KHDRBS2: variants seen among roughly 807,000 people sequenced by gnomAD.
The protein encoded by KHDRBS2 is KH domain-containing, RNA-binding, signal transduction-associated protein 2.
In KHDRBS2, 26 loss-of-function variants were observed where a neutral mutation model predicts 44.3. That is an observed-to-expected ratio of 0.59 (90% CI 0.43 to 0.81). The LOEUF (loss-of-function observed/expected upper bound fraction) is 0.81, where lower values mean the gene tolerates loss of function less well. Among genes scored for constraint, KHDRBS2 ranks in the 40% least tolerant of loss-of-function variants. The pLI is 0.00. For synonymous variants in KHDRBS2, 194 were observed against 151.1 expected, an observed-to-expected ratio of 1.28 and a Z score of -2.08; for missense variants, 476 against 433.1, an observed-to-expected ratio of 1.10 and a Z score of -0.88.
chr6:61,868,016 T>G (rs1798034826), intron 6 of KHDRBS2, among the ~76,000 whole-genome samples: 1 of 152,124 alleles, frequency 6.6e-6, no homozygotes, highest in Admixed American at 6.5e-5. Context: ...TCAGCCCTGA[T>G]CAGCTTGGAC....
At chr6:61,619,834 A>C in the KHDRBS2 span, among the ~76,000 whole-genome samples, 1 of 152,110 alleles carries the variant, frequency 6.6e-6, no homozygotes, top group Non-Finnish European at 1.5e-5. Context: ...ATCGGTACTT[A>C]GATTGTTCTC....
intron 6 of KHDRBS2, among the ~76,000 whole-genome samples, chr6:61,868,687 G>A (rs1798139902): frequency 6.6e-6 from 1 of 152,112 alleles, no homozygotes; most frequent in African/African-American, 2.4e-5. Context: ...CCTGCAGCCT[G>A]TTTGGCTGAA....
At chr6:62,070,611 C>CA (rs1304695578) in intron 2 of KHDRBS2, among the ~76,000 whole-genome samples, 1 of 151,768 alleles carries the variant, frequency 6.6e-6, no homozygotes, top group Non-Finnish European at 1.5e-5. Context: ...GTCCTTGCGA[C>CA]AGTTTGCTGA....
intron 6 of KHDRBS2, among the ~76,000 whole-genome samples, chr6:61,791,694 C>T (rs1199989300): frequency 6.6e-6 from 1 of 151,416 alleles, no homozygotes; most frequent in Non-Finnish European, 1.5e-5. Flanking sequence ...ATCATTACAA[C>T]TTATAGGTGT....
chr6:61,692,991 C>G (rs979949315), intron 8 of KHDRBS2, among the ~76,000 whole-genome samples: 2 of 151,926 alleles, frequency 1.3e-5, no homozygotes, highest in Admixed American at 6.6e-5. Flanking sequence ...GTCTACGATA[C>G]GACCACAATG....
chr6:61,854,728 A>C (rs1352503555), intron 6 of KHDRBS2, among the ~76,000 whole-genome samples: 3 of 152,216 alleles, frequency 2.0e-5, no homozygotes, highest in Non-Finnish European at 4.4e-5. Flanking sequence ...AAGATGAAAC[A>C]GAATAAAGTG....
intron 4 of KHDRBS2, among the ~76,000 whole-genome samples, chr6:61,921,808 A>G (rs755146464): frequency 3.3e-5 from 5 of 151,948 alleles, no homozygotes; most frequent in Non-Finnish European, 5.9e-5. Flanking sequence ...TGGTTCCTTT[A>G]TATCCTGAGA....
Position 62,177,302 on chromosome 6 carries a change from CTT to C in KHDRBS2, c.100_101del (p.Lys34ValfsTer5), listed in dbSNP as rs1651313221. On this transcript the variant is annotated frameshift_variant, in exon 2 of 9. Transcript: ENST00000281156. LOFTEE classifies it high-confidence loss of function. Reference protein sequence around the residue: ...ASRLLAEEIEKFQGSDGKKED... With the variant: ...ASRLLAEEIEXFQGSDGKKED... ...CCTTTTTTCCATCAGAACCTTGAAA[CTT>C]TTCAATTTCTGGAAGAAAATCACAA... 6.3e-7 allele frequency: 1 copy of C among 1,592,612 alleles called. No homozygotes were observed. The highest frequency in any genetic ancestry group is 8.6e-7 in the Non-Finnish European group (1 of 1,166,788).
At chr6:61,916,965 AT>A (rs10700035) in intron 4 of KHDRBS2, among the ~76,000 whole-genome samples, 137 of 90,634 alleles carry the variant, frequency 1.5e-3, no homozygotes, top group African/African-American at 4.3e-3. Context: ...GGAACTCTGT[AT>A]TTTTTTTTTT....
chr6:62,286,187 T>A lies in KHDRBS2; in HGVS notation c.-239A>T. 1.9e-6 allele frequency: 1 copy of A among 530,490 alleles called. No individual in the cohort carries two copies. Among genetic ancestry groups the A allele is most frequent in the Non-Finnish European group, 3.3e-6 (1 of 303,602 alleles). The allele number at this position is 530,490 out of a possible 1,614,324, so 32.9% of individuals were successfully genotyped here. ...TCCCTCGCTCGCGCAGAGCCCCGGC[T>A]CACACCAGCGGCCTTAACTGGAGAG... On this transcript the variant is annotated 5_prime_UTR_variant, in exon 1 of 9. Coordinates refer to ENST00000281156, the MANE Select transcript of KHDRBS2 (RefSeq NM_152688.4).
At chr6:62,100,714 A>G (rs1057087702) in intron 2 of KHDRBS2, among the ~76,000 whole-genome samples, 1 of 152,222 alleles carries the variant, frequency 6.6e-6, no homozygotes, top group Non-Finnish European at 1.5e-5. Context: ...TAACATATGT[A>G]CATTTTTTAG....
At chr6:62,009,345 C>G (rs2127267562) in intron 3 of KHDRBS2, among the ~76,000 whole-genome samples, 1 of 152,214 alleles carries the variant, frequency 6.6e-6, no homozygotes, top group African/African-American at 2.4e-5. Context: ...GCAAAGCATT[C>G]AAGAGGTGAG....
intron 6 of KHDRBS2, among the ~76,000 whole-genome samples, chr6:61,754,916 A>G (rs771083114): frequency 1.3e-5 from 2 of 152,214 alleles, no homozygotes; most frequent in Non-Finnish European, 2.9e-5. Context: ...CACTTTCAAC[A>G]TCAGGTATTT....
intron 1 of KHDRBS2, among the ~76,000 whole-genome samples, chr6:62,275,708 C>T (rs1840824573): frequency 6.6e-6 from 1 of 152,126 alleles, no homozygotes; most frequent in African/African-American, 2.4e-5. Context: ...TTCCCTTAAA[C>T]AAGTTATGTT....
intron 3 of KHDRBS2, among the ~76,000 whole-genome samples, chr6:61,980,993 C>G (rs1773722091): frequency 1.3e-5 from 2 of 152,174 alleles, no homozygotes; most frequent in African/African-American, 2.4e-5. Flanking sequence ...TGTTTACCCA[C>G]TGGGCATGCC....
chr6:61,576,330 A>G, the KHDRBS2 span, among the ~76,000 whole-genome samples: 2 of 151,980 alleles, frequency 1.3e-5, no homozygotes, highest in Non-Finnish European at 2.9e-5. Context: ...CTAGGTATAT[A>G]TATTTTTTGT....
At chr6:62,174,006 T>C (rs1221215846) in intron 2 of KHDRBS2, among the ~76,000 whole-genome samples, 3 of 151,826 alleles carry the variant, frequency 2.0e-5, no homozygotes, top group Non-Finnish European at 4.4e-5. Context: ...GAACAGACAG[T>C]GACACCCTCT....
At chr6:61,824,969 T>G (rs1790602291) in intron 6 of KHDRBS2, among the ~76,000 whole-genome samples, 1 of 152,188 alleles carries the variant, frequency 6.6e-6, no homozygotes, top group African/African-American at 2.4e-5. Flanking sequence ...GTATTAAAAC[T>G]GGGAAAATTC....
the KHDRBS2 span, among the ~76,000 whole-genome samples, chr6:61,601,182 T>C: frequency 1.3e-5 from 2 of 151,976 alleles, no homozygotes; most frequent in African/African-American, 4.8e-5. Flanking sequence ...TCCATTTCTC[T>C]ACCCTCTCTT....
Sources: allele counts gnomAD v4.1 joint callset (sites outside exome capture counted in the v4.1 genomes callset), GRCh38; gene constraint gnomAD v4.1.1; transcripts MANE v1.5; gene names NCBI Gene and HGNC (gene_info 2026-07-23, HGNC 2026-07-21).